ASPM: variants seen among roughly 807,000 people sequenced by gnomAD.
The protein encoded by ASPM is abnormal spindle-like microcephaly-associated protein.
Under a neutral mutation model 366.4 loss-of-function variants are expected in ASPM, and 256 were observed. That is an observed-to-expected ratio of 0.70 (90% CI 0.63 to 0.77). The LOEUF (loss-of-function observed/expected upper bound fraction) is 0.77. Among genes scored for constraint, ASPM ranks in the 30% least tolerant of loss-of-function variants. The pLI, the probability that ASPM is intolerant of heterozygous loss-of-function variation, is 0.00. For missense variants in ASPM, 4,146 were observed against 4,090.4 expected (o/e 1.01, Z -0.37); for synonymous variants, 1,414 against 1,342.9 (o/e 1.05, Z -1.16).
At position 197,143,450 on chromosome 1, in the gene ASPM, T is replaced by C. The variant is rs771020113; in HGVS notation, c.802A>G (p.Lys268Glu). The change falls in exon 3 of 28, where the codon AAA (lysine) becomes GAA (glutamate). Residue 268 changes from lysine to glutamate, a missense_variant. Around this residue, in one of 3 missense-constraint regions of ASPM, gnomAD observed 512 missense variants for 471.7 expected, o/e 1.09. Transcript: ENST00000367409. ...ACAGCTTTCTCATTAAAAGAAACTT[T>C]TGAAACGTTGGCACTGTGTACATTT... ...LLNVHSANVS[K>E]VSFNEKAVTE... 2.5e-6 allele frequency: 4 copies of C among 1,614,024 alleles called. No homozygotes were observed. The highest frequency in any genetic ancestry group is 3.4e-6 in the Non-Finnish European group (4 of 1,179,892).
chr1:197,087,366 G>A (rs1397738166), intron 26 of ASPM, among the ~76,000 whole-genome samples: 3 of 152,090 alleles, frequency 2.0e-5, no homozygotes, highest in East Asian at 1.9e-4. Context: ...GTGAGCCACC[G>A]TGCCCAGCCT....
rs367903585 is a variant in ASPM, at chr1:197,089,715, CATT to C, written c.9984+212_9984+214del. 9.2e-5 allele frequency among the ~76,000 whole-genome samples: 14 copies of C among 151,806 alleles called. No homozygotes were observed. The East Asian group carries it at 1.2e-3, about 13-fold the overall frequency. On this transcript the variant is annotated intron_variant, in intron 25 of 27. Coordinates refer to ENST00000367409, the MANE Select transcript of ASPM (RefSeq NM_018136.5). ...CATTGTTTTTAATATTATTAATCAT[CATT>C]GTTTTTAATATTATAAAGACTGAGG...
At chr1:197,141,719 G>A (rs1311743583) in intron 3 of ASPM, among the ~76,000 whole-genome samples, 4 of 152,022 alleles carry the variant, frequency 2.6e-5, no homozygotes, top group African/African-American at 7.2e-5. Context: ...AGGACTGAAC[G>A]CAACTTGAGG....
At position 197,146,551 on chromosome 1, in the gene ASPM, G is replaced by T. The variant is rs78280885; in HGVS notation, c.-114C>A. 832 of 1,173,884 alleles carry T rather than the reference G, an allele frequency of 7.1e-4. 8 individuals are homozygous for T. The East Asian group carries it at 0.018, about 25-fold the overall frequency. The allele number at this position is 1,173,884 out of a possible 1,614,324, so 72.7% of individuals were successfully genotyped here. A position where few individuals can be genotyped will look rare whatever the true frequency, so the allele number is the denominator to read the frequency against. Reference sequence around the variant, plus strand: ...CCCCTCAGGGGCGGCTGTAGAGGTCGTGGGAGTGAATTCGGCCCTTTTTCT... The same window carrying T: ...CCCCTCAGGGGCGGCTGTAGAGGTCTTGGGAGTGAATTCGGCCCTTTTTCT... On this transcript the variant is annotated 5_prime_UTR_variant, in exon 1 of 28. Transcript: ENST00000367409.
chr1:197,144,143 C>T, intron 1 of ASPM, 43 bp from the exon 2 acceptor site: 7 of 1,377,656 alleles, frequency 5.1e-6, no homozygotes, highest in Non-Finnish European at 7.2e-6. Flanking sequence ...ATAGTAATTA[C>T]ATAATAACCA....
chr1:197,142,515 T>C lies in ASPM; in HGVS notation c.1737A>G (p.Gly579=). The change falls in exon 3 of 28, where the codon GGA becomes GGG. Residue 579 remains glycine, a synonymous_variant. Transcript: ENST00000367409. ...CTCTCACATTTGCATCTTCCATGCTTCCATCGCTCTTTCTTTTCCGAGCAA... is the reference window on the plus strand; with the variant it reads ...CTCTCACATTTGCATCTTCCATGCTCCCATCGCTCTTTCTTTTCCGAGCAA... ...ASVARKRKSD[G]SMEDANVRVA... 1 of 1,614,064 alleles carries C rather than the reference T, an allele frequency of 6.2e-7. No homozygotes were observed. The highest frequency in any genetic ancestry group is 8.5e-7 in the Non-Finnish European group (1 of 1,179,908).
intron 3 of ASPM, among the ~76,000 whole-genome samples, chr1:197,141,129 C>T (rs190830039): frequency 6.6e-6 from 1 of 152,120 alleles, no homozygotes; most frequent in Non-Finnish European, 1.5e-5. Context: ...AAAACCCTCC[C>T]TACTGTTTTT....
rs1401084467 is a variant in ASPM, at chr1:197,146,433, G to C, written c.5C>G (p.Ala2Gly). The stretch of plus-strand genomic sequence containing the variant: ...GCAGCCTCGCCCCACTCGCCGGTTC[G>C]CCATGGCAGATTCGAGACCCCTCCT... M[A>G]NRRVGRGCWE... Residue 2 changes from alanine (A) to glycine (G), a missense_variant, in exon 1 of 28, where the codon GCG becomes GGG. Transcript: ENST00000367409. 1 of 1,607,266 alleles carries C rather than the reference G, an allele frequency of 6.2e-7. No homozygotes were observed. The highest frequency in any genetic ancestry group is 1.7e-5 in the Admixed American group (1 of 59,926).
rs1658644883 is a variant in ASPM, at chr1:197,142,985, G to C, written c.1267C>G (p.Pro423Ala). 2 of 1,613,828 alleles carry C rather than the reference G, an allele frequency of 1.2e-6. No individual in the cohort carries two copies. The highest frequency in any genetic ancestry group is 3.3e-4 in the Middle Eastern group (2 of 6,060). ...TTTCTCCAATCTTCAGGAGACTGTG[G>C]GACTTGAGAATTTTCATTTGATAAT... ...VPLSNENSQV[P>A]QSPEDWRKSE... Residue 423 changes from proline to alanine, a missense_variant, in exon 3 of 28, where the codon CCA becomes GCA. Coordinates refer to ENST00000367409, the MANE Select transcript of ASPM (RefSeq NM_018136.5).
At chr1:197,084,491 T>C (rs183545886) in intron 27 of ASPM, 65 bp from the exon 28 acceptor site, 1 of 1,114,892 alleles carries the variant, frequency 9.0e-7, no homozygotes, top group East Asian at 2.4e-5. Context: ...ACCTTCACCT[T>C]TTTTCTCTTA....
chr1:197,113,209 C>T (rs1657639107), intron 17 of ASPM, among the ~76,000 whole-genome samples: 1 of 151,994 alleles, frequency 6.6e-6, no homozygotes, highest in Non-Finnish European at 1.5e-5. Flanking sequence ...ACCGGGACTG[C>T]TTGATGAGCG....
rs1015277630 is a variant in ASPM at position 197,084,248 on chromosome 1, G to A, written c.*76C>T. On this transcript the variant is annotated 3_prime_UTR_variant, in exon 28 of 28. Coordinates refer to ENST00000367409, the MANE Select transcript of ASPM (RefSeq NM_018136.5). Reference sequence around the variant, plus strand: ...AGATTTTAAAAGTTGTACACGGAGAGCAAAAATCACTTTACGTACTCATGA... The same window carrying A: ...AGATTTTAAAAGTTGTACACGGAGAACAAAAATCACTTTACGTACTCATGA... 1.8e-5 allele frequency: 20 copies of A among 1,097,132 alleles called. No individual in the cohort carries two copies. Among genetic ancestry groups the A allele is most frequent in the Admixed American group, 5.3e-5 (3 of 56,314 alleles). 68.0% of individuals were successfully genotyped at this position (1,097,132 alleles called of 1,614,324 possible). A position where few individuals can be genotyped will look rare whatever the true frequency, so the allele number is the denominator to read the frequency against.
In ASPM at chr1:197,139,364, G is replaced by C. The variant is rs1272556377; in HGVS notation, c.2026+403C>G. The C allele has an allele frequency of 6.6e-6, 4 of 605,608 alleles. No individual in the cohort carries two copies. In the Admixed American group the frequency reaches 1.1e-4, roughly 17 times the overall value. 37.5% of individuals were successfully genotyped at this position (605,608 alleles called of 1,614,324 possible). A position where few individuals can be genotyped will look rare whatever the true frequency, so the allele number is the denominator to read the frequency against. ...GAAATCCCAGCACCCTGGGAGGCGAGGGGAGGGATCACGAGGTCAGGAGAT... is the reference window on the plus strand; with the variant it reads ...GAAATCCCAGCACCCTGGGAGGCGACGGGAGGGATCACGAGGTCAGGAGAT... On this transcript the variant is annotated intron_variant, in intron 4 of 27. Coordinates refer to ENST00000367409, the MANE Select transcript of ASPM (RefSeq NM_018136.5).
intron 19 of ASPM, among the ~76,000 whole-genome samples, chr1:197,095,279 T>G (rs931998069): frequency 1.5e-4 from 22 of 151,688 alleles, no homozygotes; most frequent in Non-Finnish European, 2.9e-4. Context: ...TAACCAACAT[T>G]CTACTTCTAT....
At chr1:197,139,724 C>G (rs201283534) in intron 4 of ASPM, 43 bp downstream of exon 4, 1 of 1,388,154 alleles carries the variant, frequency 7.2e-7, no homozygotes, top group Non-Finnish European at 1.0e-6. Context: ...ATGCTTCATT[C>G]GATGTCATGT....
In ASPM at chr1:197,124,992, G is replaced by C. The variant is rs117983032; in HGVS notation, c.3083-37C>G. The C allele has an allele frequency of 5.3e-4, 845 of 1,603,220 alleles. 8 individuals carry two copies. In the East Asian group the frequency reaches 0.018, roughly 34 times the overall value. ...AAGGTTGTCCATTAGCATAATGTAC[G>C]CACATATCAATATTCAGTGAGGAGA... On this transcript the variant is annotated intron_variant, in intron 11 of 27. Coordinates refer to ENST00000367409, the MANE Select transcript of ASPM (RefSeq NM_018136.5).
Position 197,133,581 on chromosome 1 carries a change from G to T in ASPM, c.2188C>A (p.Leu730Ile), listed in dbSNP as rs1200190931. The T allele has an allele frequency of 3.1e-6, 5 of 1,613,032 alleles. No homozygotes were observed. Residue 730 changes from leucine (L) to isoleucine (I), a missense_variant, in exon 6 of 28, where the codon CTT becomes ATT. Physicochemically the swap from Leu to Ile is conservative, Grantham distance 5. Coordinates refer to ENST00000367409, the MANE Select transcript of ASPM (RefSeq NM_018136.5). ...TNISEVNAAT[L>I]LLGIENQHKI... ...TGTTGATTCTCTATTCCCAAAAGAA[G>T]AGTAGCAGCATTTACTGGGTAAAAA...
chr1:197,129,759 C>T (rs1353695852), intron 8 of ASPM, among the ~76,000 whole-genome samples, 156 bp downstream of exon 8: 2 of 151,906 alleles, frequency 1.3e-5, no homozygotes, highest in Non-Finnish European at 2.9e-5. Context: ...GAGGAATTAA[C>T]GGGGAATGAG....
intron 17 of ASPM, among the ~76,000 whole-genome samples, chr1:197,109,974 T>A (rs1339185754): frequency 6.6e-6 from 1 of 152,052 alleles, no homozygotes; most frequent in African/African-American, 2.4e-5. Context: ...TGAATCAGAA[T>A]AATCAACATA....
Sources: allele counts gnomAD v4.1 joint callset (sites outside exome capture counted in the v4.1 genomes callset), GRCh38; gene constraint gnomAD v4.1.1; regional missense constraint gnomAD v4.1.1; transcripts MANE v1.5; gene names NCBI Gene and HGNC (gene_info 2026-07-23, HGNC 2026-07-21).